The following GRIP1 variants were observed in gnomAD, a reference collection of about 807,000 sequenced individuals.
GRIP1 encodes the protein glutamate receptor interacting protein 1, also known as glutamate receptor-interacting protein 1.
A neutral mutation model predicts 129.9 loss-of-function variants in GRIP1; 45 were observed. That is an observed-to-expected ratio of 0.35 (90% confidence interval 0.27 to 0.44). The LOEUF is 0.44. Ranked by LOEUF, GRIP1 falls within the 20% of genes least tolerant of loss-of-function variation. The pLI is 1.00. For missense variants in GRIP1, 1,196 were observed against 1,396.8 expected (o/e 0.86, Z 2.29); for synonymous variants, 530 against 520.8 (o/e 1.02, Z -0.24).
intron 1 of GRIP1, among the ~76,000 whole-genome samples, chr12:66,780,456 A>G (rs1034053713): frequency 1.3e-5 from 2 of 152,094 alleles, no homozygotes; most frequent in Non-Finnish European, 2.9e-5. Flanking sequence ...CTTGAATCTG[A>G]CCAGGTGGGC....
intron 1 of GRIP1, among the ~76,000 whole-genome samples, chr12:67,008,094 T>C (rs2042653958): frequency 6.6e-6 from 1 of 152,182 alleles, no homozygotes; most frequent in Non-Finnish European, 1.5e-5. Context: ...ATAATATACA[T>C]GTATTTAAAC....
At chr12:66,702,052 C>T (rs563815279) in intron 1 of GRIP1, among the ~76,000 whole-genome samples, 133 of 152,268 alleles carry the variant, frequency 8.7e-4, no homozygotes, top group Non-Finnish European at 1.5e-3. Context: ...CAATGCCACT[C>T]AGAATTCTGG....
chr12:66,981,460 T>A (rs1007456208), intron 1 of GRIP1, among the ~76,000 whole-genome samples: 2 of 152,156 alleles, frequency 1.3e-5, no homozygotes, highest in African/African-American at 4.8e-5. Context: ...TAAATGACTA[T>A]AATATTAAAC....
At chr12:66,566,504 C>G (rs1426582318) in intron 2 of GRIP1, among the ~76,000 whole-genome samples, 1 of 152,102 alleles carries the variant, frequency 6.6e-6, no homozygotes, top group African/African-American at 2.4e-5. Context: ...TTTTGATGTG[C>G]TGCTTGATTC....
intron 1 of GRIP1, chr12:67,035,679 C>A (rs2043084131): frequency 6.6e-6 from 1 of 151,832 alleles, no homozygotes; most frequent in Admixed American, 6.6e-5. Flanking sequence ...AAGAAGACAT[C>A]AAAAATACAT....
chr12:66,478,211 G>GAT (rs2059684034), intron 7 of GRIP1, among the ~76,000 whole-genome samples: 2 of 152,116 alleles, frequency 1.3e-5, no homozygotes, highest in Admixed American at 1.3e-4. Context: ...TCAAAAAGTG[G>GAT]GCTAAGGATA....
chr12:66,361,802 A>G (rs1392376042), intron 23 of GRIP1, among the ~76,000 whole-genome samples: 1 of 151,702 alleles, frequency 6.6e-6, no homozygotes, highest in Non-Finnish European at 1.5e-5. Context: ...CCCTTTTCCC[A>G]ATTCCCTCTG....
intron 1 of GRIP1, among the ~76,000 whole-genome samples, chr12:66,733,355 C>A (rs976158037): frequency 6.6e-6 from 1 of 152,130 alleles, no homozygotes; most frequent in Non-Finnish European, 1.5e-5. Context: ...ATAAACTATA[C>A]ATTTTCTACA....
chr12:67,031,950 C>A (rs1324787383), intron 1 of GRIP1, among the ~76,000 whole-genome samples: 1 of 152,178 alleles, frequency 6.6e-6, no homozygotes, highest in Non-Finnish European at 1.5e-5. Flanking sequence ...TATCTTCCCT[C>A]CTCCGTGCCT....
At chr12:66,692,961 G>A (rs760962238) in intron 1 of GRIP1, among the ~76,000 whole-genome samples, 10 of 152,124 alleles carry the variant, frequency 6.6e-5, no homozygotes, top group Non-Finnish European at 1.3e-4. Flanking sequence ...AACAAATGCT[G>A]GAAACCACTG....
chr12:66,390,135 T>C (rs1472806423), intron 19 of GRIP1, among the ~76,000 whole-genome samples: 1 of 152,170 alleles, frequency 6.6e-6, no homozygotes, highest in Non-Finnish European at 1.5e-5. Context: ...ACCTGTCACC[T>C]TGGGCATTCA....
intron 1 of GRIP1, among the ~76,000 whole-genome samples, chr12:66,932,526 C>G (rs540920536): frequency 6.6e-6 from 1 of 151,028 alleles, no homozygotes; most frequent in African/African-American, 2.4e-5. Context: ...GAGACTTAAG[C>G]GAATAGGTCA....
chr12:67,026,215 T>C (rs775738972), intron 1 of GRIP1, among the ~76,000 whole-genome samples: 4 of 152,226 alleles, frequency 2.6e-5, no homozygotes, highest in Non-Finnish European at 5.9e-5. Context: ...AAAGTTCTTA[T>C]TTTAAAACAT....
At chr12:66,521,998 C>T (rs139403617) in intron 5 of GRIP1, among the ~76,000 whole-genome samples, 3,471 of 152,312 alleles carry the variant, frequency 0.023, 123 homozygotes, top group African/African-American at 0.08. Context: ...AACAAAGCAG[C>T]TGGGAAGCTC....
At chr12:66,625,814 T>C (rs1157060511) in intron 1 of GRIP1, among the ~76,000 whole-genome samples, 2 of 152,134 alleles carry the variant, frequency 1.3e-5, no homozygotes, top group African/African-American at 2.4e-5. Context: ...GAATAAAGAG[T>C]ATATAGAGAC....
intron 2 of GRIP1, among the ~76,000 whole-genome samples, chr12:66,593,695 G>T (rs758449024): frequency 2.0e-5 from 3 of 152,056 alleles, no homozygotes; most frequent in African/African-American, 4.8e-5. Flanking sequence ...TAATATGAAC[G>T]GTCAAATCCA....
At chr12:66,713,680 T>C (rs921184989) in intron 1 of GRIP1, among the ~76,000 whole-genome samples, 24 of 152,032 alleles carry the variant, frequency 1.6e-4, no homozygotes, top group African/African-American at 5.6e-4. Flanking sequence ...CTACCAACCA[T>C]TCCTTCTCTC....
chr12:66,744,047 C>T (rs1237799606), intron 1 of GRIP1, among the ~76,000 whole-genome samples: 2 of 152,078 alleles, frequency 1.3e-5, no homozygotes, highest in Admixed American at 1.3e-4. Flanking sequence ...AAAATATTAT[C>T]TTCATACTAT....
intron 2 of GRIP1, among the ~76,000 whole-genome samples, chr12:66,585,144 C>A (rs1430579494): frequency 6.7e-6 from 1 of 148,748 alleles, no homozygotes; most frequent in African/African-American, 2.5e-5. Context: ...GGTACATGTG[C>A]ACATTGTGCA....
Sources: gnomAD v4.1 joint callset for allele counts (sites outside exome capture counted in the v4.1 genomes callset) on GRCh38, gnomAD v4.1.1 for gene constraint, MANE v1.5 for transcripts, NCBI Gene and HGNC (gene_info 2026-07-23, HGNC 2026-07-21) for gene names.